The following KCTD20 variants were observed in gnomAD, a reference collection of about 807,000 sequenced individuals.
KCTD20 encodes potassium channel tetramerization domain containing 20, also known as BTB/POZ domain-containing protein KCTD20.
KCTD20 carries 30 observed loss-of-function variants against 39.6 expected under a neutral mutation model. The observed-to-expected ratio is 0.76, with a 90% CI of 0.57 to 1.03. The LOEUF is 1.03. Ranked by LOEUF, KCTD20 falls within the 50% of genes least tolerant of loss-of-function variation. The pLI is 0.00. For missense variants in KCTD20, 422 were observed against 522.0 expected (o/e 0.81, Z 1.87); for synonymous variants, 162 against 180.6 (o/e 0.90, Z 0.83).
intron 1 of KCTD20, chr6:36,451,613 C>G (rs1474723285): frequency 2.0e-5 from 3 of 152,170 alleles, no homozygotes; most frequent in Admixed American, 2.0e-4. Context: ...TCAGCCTTGC[C>G]CAAGTAGTTG....
At chr6:36,449,819 CAT>C (rs746438934) in intron 1 of KCTD20, among the ~76,000 whole-genome samples, 4 of 152,210 alleles carry the variant, frequency 2.6e-5, no homozygotes, top group Non-Finnish European at 4.4e-5. Flanking sequence ...TAGGGCTTCA[CAT>C]ATGAATTTTG....
At chr6:36,448,765 C>T (rs953865770) in intron 1 of KCTD20, among the ~76,000 whole-genome samples, 2 of 152,124 alleles carry the variant, frequency 1.3e-5, no homozygotes, top group Non-Finnish European at 1.5e-5. Flanking sequence ...AGAATGAAGC[C>T]GCGGAGCCTC....
rs1429192629 is a variant in KCTD20 at position 36,488,278 on chromosome 6, A to C, written c.*1103A>C. 1 of 152,224 alleles carries C rather than the reference A, an allele frequency of 6.6e-6. No homozygotes were observed. The highest frequency in any genetic ancestry group is 1.5e-5 in the Non-Finnish European group (1 of 68,054). The allele number at this position is 152,224 out of a possible 1,614,324, so 9.4% of individuals were successfully genotyped here. On this transcript the variant is annotated 3_prime_UTR_variant, in exon 8 of 8. Coordinates refer to ENST00000373731, the MANE Select transcript of KCTD20 (RefSeq NM_173562.5). ...ATAGCTGCTCACACATTGGGTAGGA[A>C]TATTATACCAATGTCATCCCCAAAG...
intron 7 of KCTD20, among the ~76,000 whole-genome samples, chr6:36,486,594 G>T (rs936911502): frequency 6.6e-6 from 1 of 152,198 alleles, no homozygotes; most frequent in African/African-American, 2.4e-5. Context: ...GCAACAACAG[G>T]TTCCTGAACT....
intron 2 of KCTD20, among the ~76,000 whole-genome samples, chr6:36,472,264 A>G (rs998062722): frequency 1.3e-5 from 2 of 152,220 alleles, no homozygotes; most frequent in Admixed American, 6.5e-5. Context: ...CTGGAAGCGT[A>G]GCTTTTGGTG....
chr6:36,484,845 C>T, intron 7 of KCTD20, 21 bp downstream of exon 7: 4 of 1,229,438 alleles, frequency 3.3e-6, no homozygotes, highest in Non-Finnish European at 4.8e-6. Flanking sequence ...AAAAAAAATC[C>T]CAGTCAACAT....
At position 36,490,673 on chromosome 6, in the gene KCTD20, T is replaced by C. The variant is rs1561965879; in HGVS notation, c.*3498T>C. The C allele has an allele frequency of 6.6e-6, 1 of 151,692 alleles. No homozygotes were observed. 9.4% of individuals were successfully genotyped at this position (151,692 alleles called of 1,614,324 possible). ...GACTGGCCTGGGCAACGTAAAAAAT[T>C]AAAAAAATAGCCAGGCATGGACATG... is the stretch of plus-strand genomic sequence containing the variant. On this transcript the variant is annotated 3_prime_UTR_variant, in exon 8 of 8. Coordinates refer to ENST00000373731, the MANE Select transcript of KCTD20 (RefSeq NM_173562.5).
chr6:36,485,488 C>CTTTTTTTTTTTTTTTTTTTTTTT (rs34990483), intron 7 of KCTD20, among the ~76,000 whole-genome samples: 1 of 97,100 alleles, frequency 1.0e-5, no homozygotes, highest in Non-Finnish European at 2.0e-5. Context: ...TGGAGTGGAT[C>CTTTTTTTTTTTTTTTTTTTTTTT]TTTTTTTTTT....
chr6:36,486,431 CAT>C (rs1291866590), intron 7 of KCTD20, among the ~76,000 whole-genome samples: 1 of 152,188 alleles, frequency 6.6e-6, no homozygotes, highest in East Asian at 1.9e-4. Flanking sequence ...CAGCCTTTCA[CAT>C]ATTTTAGGCA....
intron 1 of KCTD20, chr6:36,451,119 A>G (rs1219157936): frequency 2.6e-5 from 4 of 152,214 alleles, no homozygotes; most frequent in African/African-American, 9.7e-5. Context: ...GACATAGCGC[A>G]CTACAGCCCA....
At chr6:36,479,777 CGATTT>C in intron 5 of KCTD20, 66 bp downstream of exon 5, 8 of 674,218 alleles carry the variant, frequency 1.2e-5, no homozygotes, top group African/African-American at 2.1e-5. Flanking sequence ...TGGAAGTCAC[CGATTT>C]TTTTTTTTTT....
chr6:36,465,317 T>G lies in KCTD20; in HGVS notation c.-46-4735T>G, dbSNP rs1333381628. Among the ~76,000 whole-genome samples the G allele has an allele frequency of 4.0e-5, 6 of 148,598 alleles. No homozygotes were observed. In the East Asian group the frequency reaches 1.2e-3, roughly 29 times the overall value. ...GTCTCAAAAAAAAAAAAAAAAACAG[T>G]ATGCAAGCATTATGCTTTTGAGATA... is the stretch of plus-strand genomic sequence containing the variant. On this transcript the variant is annotated intron_variant, in intron 1 of 7. Coordinates refer to ENST00000373731, the MANE Select transcript of KCTD20 (RefSeq NM_173562.5).
intron 2 of KCTD20, among the ~76,000 whole-genome samples, chr6:36,474,044 C>A (rs1489260957): frequency 6.6e-6 from 1 of 152,080 alleles, no homozygotes; most frequent in Non-Finnish European, 1.5e-5. Flanking sequence ...ATTATCCCTT[C>A]TGAAAAATAA....
chr6:36,454,795 G>A (rs73411055), intron 1 of KCTD20, among the ~76,000 whole-genome samples: 38,839 of 151,692 alleles, frequency 0.26, 5,432 homozygotes, highest in East Asian at 0.38. Flanking sequence ...CCACCTGCCT[G>A]TAGTCATGCC....
At chr6:36,471,343 C>A (rs1775905590) in intron 2 of KCTD20, among the ~76,000 whole-genome samples, 1 of 152,176 alleles carries the variant, frequency 6.6e-6, no homozygotes, top group African/African-American at 2.4e-5. Flanking sequence ...TCAGGGGTGG[C>A]AAACTGGTCA....
At chr6:36,483,135 AAAT>A (rs1776307047) in intron 6 of KCTD20, among the ~76,000 whole-genome samples, 1 of 150,700 alleles carries the variant, frequency 6.6e-6, no homozygotes, top group Non-Finnish European at 1.5e-5. Context: ...AAAAAAAAAA[AAAT>A]TATACCTTTA....
rs985262524 is a variant in KCTD20, at chr6:36,470,171, T to A, written c.74T>A (p.Leu25Ter). The A allele has an allele frequency of 1.2e-6, 2 of 1,614,172 alleles. No individual in the cohort carries two copies. Among genetic ancestry groups the A allele is most frequent in the African/African-American group, 2.7e-5 (2 of 75,048 alleles). The change falls in exon 2 of 8, where the codon TTA becomes TAA. Residue 25 changes from leucine to a stop codon, truncating the protein, a stop_gained. Coordinates refer to ENST00000373731, the MANE Select transcript of KCTD20 (RefSeq NM_173562.5). LOFTEE classifies it high-confidence loss of function. ...QEASCLVDDT[L>*]AVAQEKEANS... The stretch of plus-strand genomic sequence containing the variant: ...GCCAGCTGCTTAGTGGATGATACTT[T>A]AGCTGTAGCCCAAGAAAAAGAAGCA...
At chr6:36,482,630 A>C (rs1776287398) in intron 6 of KCTD20, among the ~76,000 whole-genome samples, 1 of 147,858 alleles carries the variant, frequency 6.8e-6, no homozygotes, top group East Asian at 2.1e-4. Context: ...GCCATAATTG[A>C]CTTAACCAGC....
chr6:36,447,928 T>C (rs1775101644), intron 1 of KCTD20, among the ~76,000 whole-genome samples: 1 of 150,588 alleles, frequency 6.6e-6, no homozygotes, highest in African/African-American at 2.4e-5. Context: ...AAGGTGGAGG[T>C]TGCAGTGAAC....
Sources: gnomAD v4.1 joint callset for allele counts (sites outside exome capture counted in the v4.1 genomes callset) on GRCh38, gnomAD v4.1.1 for gene constraint, MANE v1.5 for transcripts, NCBI Gene and HGNC (gene_info 2026-07-23, HGNC 2026-07-21) for gene names.